FRMD4B: variants seen among roughly 807,000 people sequenced by gnomAD.
The protein encoded by FRMD4B is FERM domain containing 4B.
Under a neutral mutation model 141.5 loss-of-function variants are expected in FRMD4B, and 74 were observed. That is an observed-to-expected ratio of 0.52 (90% CI 0.43 to 0.63). The LOEUF (loss-of-function observed/expected upper bound fraction) is 0.63, where lower values mean the gene tolerates loss of function less well. Among genes scored for constraint, FRMD4B ranks in the 30% least tolerant of loss-of-function variants. The pLI is 0.00. For missense variants in FRMD4B, 1,366 were observed against 1,253.4 expected, an observed-to-expected ratio of 1.09 and a Z score of -1.36; for synonymous variants, 506 against 467.9, an observed-to-expected ratio of 1.08 and a Z score of -1.05.
intron 1 of FRMD4B, among the ~76,000 whole-genome samples, chr3:69,540,650 TATATATATATACACAC>T (rs1194086297): frequency 5.2e-4 from 42 of 81,496 alleles, no homozygotes; most frequent in Non-Finnish European, 7.0e-4. Context: ...TATATATATA[TATATATATATACACAC>T]ACACACACAC....
chr3:69,378,817 A>C (rs556160131), intron 1 of FRMD4B, among the ~76,000 whole-genome samples: 1 of 152,004 alleles, frequency 6.6e-6, no homozygotes, highest in South Asian at 2.1e-4. Context: ...AAAAAAAAAA[A>C]ACCAAAAAAC....
At chr3:69,386,922 T>C (rs959708439), upstream of FRMD4B, among the ~76,000 whole-genome samples, 3 of 152,310 alleles carry the variant, frequency 2.0e-5, no homozygotes, top group South Asian at 6.2e-4. Flanking sequence ...AAATTCAGCC[T>C]CTGGACATGT....
exon 1 of FRMD4B, chr3:69,542,276 C>T (rs1269137355): frequency 6.6e-6 from 1 of 152,206 alleles, no homozygotes; most frequent in East Asian, 2.0e-4. Context: ...GGCTGCGCAC[C>T]GCGCGGGACC....
intron 11 of FRMD4B, among the ~76,000 whole-genome samples, chr3:69,208,968 A>G (rs1427368200): frequency 6.6e-6 from 1 of 151,958 alleles, no homozygotes; most frequent in African/African-American, 2.4e-5. Context: ...ACGTGGTGAA[A>G]CCCCATCTCT....
At chr3:69,303,142 T>C (rs1298143632) in intron 3 of FRMD4B, among the ~76,000 whole-genome samples, 1 of 81,342 alleles carries the variant, frequency 1.2e-5, no homozygotes, top group Non-Finnish European at 3.7e-5. Context: ...TAGAGTGAAA[T>C]ACAATGCAGC....
chr3:69,220,417 C>T (rs1159955201), intron 9 of FRMD4B, among the ~76,000 whole-genome samples: 1 of 152,098 alleles, frequency 6.6e-6, no homozygotes, highest in African/African-American at 2.4e-5. Flanking sequence ...ACCTTAATAC[C>T]CTTAATGGAA....
chr3:69,484,382 A>G (rs1369446336), intron 1 of FRMD4B, among the ~76,000 whole-genome samples: 1 of 152,200 alleles, frequency 6.6e-6, no homozygotes, highest in Non-Finnish European at 1.5e-5. Context: ...TGCTATTGTT[A>G]CAAGATCTTT....
intron 5 of FRMD4B, among the ~76,000 whole-genome samples, chr3:69,264,854 G>T (rs987117614): frequency 5.3e-5 from 8 of 152,098 alleles, no homozygotes; most frequent in Non-Finnish European, 1.2e-4. Flanking sequence ...AAGTATCTGG[G>T]CAGACCGCTT....
intron 1 of FRMD4B, among the ~76,000 whole-genome samples, chr3:69,355,364 C>T (rs1203928324): frequency 1.3e-5 from 2 of 152,090 alleles, no homozygotes; most frequent in African/African-American, 2.4e-5. Context: ...AAAACATTTG[C>T]CTGAGTCTTC....
At chr3:69,441,601 C>T (rs1191145857) in intron 1 of FRMD4B, among the ~76,000 whole-genome samples, 1 of 152,184 alleles carries the variant, frequency 6.6e-6, no homozygotes, top group Non-Finnish European at 1.5e-5. Flanking sequence ...ATACTATAAG[C>T]TCCACATGAT....
chr3:69,479,054 G>T (rs1706064302), intron 1 of FRMD4B, among the ~76,000 whole-genome samples: 1 of 121,154 alleles, frequency 8.3e-6, no homozygotes, highest in African/African-American at 3.7e-5. Flanking sequence ...TTTTCCATTT[G>T]CTTGGTAGAT....
chr3:69,511,495 A>T (rs562343072), intron 1 of FRMD4B, among the ~76,000 whole-genome samples: 9 of 152,080 alleles, frequency 5.9e-5, no homozygotes, highest in Non-Finnish European at 1.2e-4. Flanking sequence ...AAAACACAGG[A>T]TGCAGTGGGC....
chr3:69,339,471 T>C (rs1468663373), intron 1 of FRMD4B, among the ~76,000 whole-genome samples: 1 of 152,146 alleles, frequency 6.6e-6, no homozygotes, highest in Non-Finnish European at 1.5e-5. Flanking sequence ...CCCACAGAAC[T>C]GAGAAGGCAA....
chr3:69,486,765 A>G (rs1328360979), intron 1 of FRMD4B, among the ~76,000 whole-genome samples: 1 of 152,216 alleles, frequency 6.6e-6, no homozygotes, highest in Non-Finnish European at 1.5e-5. Context: ...TTTGGTTAGA[A>G]GAGAAAACCC....
chr3:69,374,995 C>T (rs1195610410), intron 1 of FRMD4B, among the ~76,000 whole-genome samples: 2 of 151,420 alleles, frequency 1.3e-5, no homozygotes, highest in Admixed American at 6.6e-5. Flanking sequence ...CATCCAATTG[C>T]CTACCCACCA....
chr3:69,480,270 G>A (rs1706096258), intron 1 of FRMD4B, among the ~76,000 whole-genome samples: 1 of 152,230 alleles, frequency 6.6e-6, no homozygotes, highest in African/African-American at 2.4e-5. Flanking sequence ...TCCTTTGGAG[G>A]AGGAGAGGCG....
intron 1 of FRMD4B, among the ~76,000 whole-genome samples, chr3:69,316,781 T>G (rs1484029092): frequency 2.0e-5 from 3 of 152,228 alleles, no homozygotes; most frequent in Non-Finnish European, 4.4e-5. Context: ...AGAAAATATT[T>G]AAAGCTACTC....
Position 69,442,289 on chromosome 3 carries a change from C to T in FRMD4B, c.-128-9528G>A, listed in dbSNP as rs144622341. On this transcript the variant is annotated intron_variant, in intron 1 of 5. Coordinates refer to the FRMD4B transcript ENST00000459638. ...TAGAGATGGGATCTCACTATATTGT[C>T]CAGGCTGGTCTCAAACTCCTGGCCT... Among the ~76,000 whole-genome samples, 608 of 152,142 alleles carry T rather than the reference C, an allele frequency of 4.0e-3. 5 individuals are homozygous for T. Among genetic ancestry groups the T allele is most frequent in the African/African-American group, 0.014 (591 of 41,496 alleles).
intron 1 of FRMD4B, among the ~76,000 whole-genome samples, chr3:69,458,350 C>T (rs79153430): frequency 0.034 from 5,202 of 152,076 alleles, 133 homozygotes; most frequent in Middle Eastern, 0.085. Flanking sequence ...CATTAAACAA[C>T]GATTATGCAA....
Sources: gnomAD v4.1 joint callset for allele counts (sites outside exome capture counted in the v4.1 genomes callset) on GRCh38, gnomAD v4.1.1 for gene constraint, MANE v1.5 for transcripts, NCBI Gene and HGNC (gene_info 2026-07-23, HGNC 2026-07-21) for gene names.